PTPRD: variants seen among roughly 807,000 people sequenced by gnomAD.
The protein encoded by PTPRD is protein tyrosine phosphatase receptor type D, also known as receptor-type tyrosine-protein phosphatase delta.
In PTPRD, 34 loss-of-function variants were observed where a neutral mutation model predicts 214.5. The ratio of observed to expected loss-of-function variants is 0.16; its 90% CI spans 0.12 to 0.21. PTPRD has a LOEUF of 0.21. Ranked by LOEUF, PTPRD falls within the 10% of genes least tolerant of loss-of-function variation. The pLI is 1.00. For synonymous variants in PTPRD, 1,128 were observed against 845.7 expected, an observed-to-expected ratio of 1.33 and a Z score of -5.79; for missense variants, 2,545 against 2,398.7, an observed-to-expected ratio of 1.06 and a Z score of -1.27.
In PTPRD at chr9:10,554,448, C is replaced by G. The variant is rs147712475; in HGVS notation, c.-600+57950G>C. 1.5e-4 allele frequency among the ~76,000 whole-genome samples: 23 copies of G among 152,128 alleles called. No individual in the cohort carries two copies. In the East Asian group the frequency reaches 3.3e-3, roughly 22 times the overall value. On this transcript the variant is annotated intron_variant, in intron 2 of 45. Transcript: ENST00000381196. ...CTTAGAAACTTTCAGAGTAATTACT[C>G]TCTTCCCTTATTAATTTAAATATTC... is the stretch of plus-strand genomic sequence containing the variant.
chr9:9,807,805 C>G (rs2045907353), intron 5 of PTPRD, among the ~76,000 whole-genome samples: 1 of 152,120 alleles, frequency 6.6e-6, no homozygotes, highest in Non-Finnish European at 1.5e-5. Flanking sequence ...CATTAGGGAA[C>G]TGCTATTGGC....
intron 3 of PTPRD, among the ~76,000 whole-genome samples, chr9:10,266,384 T>C (rs1255103083): frequency 1.3e-5 from 2 of 152,102 alleles, no homozygotes; most frequent in Non-Finnish European, 2.9e-5. Context: ...GTAGTTCTAA[T>C]ATGTAAGAAG....
intron 3 of PTPRD, among the ~76,000 whole-genome samples, chr9:10,094,460 A>G (rs571510757): frequency 2.4e-4 from 36 of 151,322 alleles, no homozygotes; most frequent in East Asian, 1.4e-3. Context: ...TGTCTTAATT[A>G]ATAGATCTAA....
At chr9:10,508,153 C>T (rs1444550286) in intron 2 of PTPRD, among the ~76,000 whole-genome samples, 2 of 152,212 alleles carry the variant, frequency 1.3e-5, no homozygotes, top group African/African-American at 2.4e-5. Flanking sequence ...ACAGACACTT[C>T]TCAAAAGAAG....
At chr9:9,884,674 T>C (rs939415658) in intron 5 of PTPRD, among the ~76,000 whole-genome samples, 36 of 152,250 alleles carry the variant, frequency 2.4e-4, no homozygotes, top group Middle Eastern at 3.4e-3. Context: ...TCATGTGTCA[T>C]GGGAGGGACC....
intron 4 of PTPRD, among the ~76,000 whole-genome samples, chr9:10,002,331 A>AATAT (rs3051049): frequency 0.37 from 53,426 of 144,232 alleles, 11,381 homozygotes; most frequent in South Asian, 0.51. Context: ...TTTAAATATA[A>AATAT]ATATATATAT....
chr9:9,737,248 G>A (rs1394184609), intron 6 of PTPRD, among the ~76,000 whole-genome samples: 1 of 152,054 alleles, frequency 6.6e-6, no homozygotes, highest in East Asian at 1.9e-4. Flanking sequence ...TGAACAATTT[G>A]TCTATATTGT....
At chr9:10,232,446 C>T (rs149330625) in intron 3 of PTPRD, among the ~76,000 whole-genome samples, 253 of 152,026 alleles carry the variant, frequency 1.7e-3, no homozygotes, top group African/African-American at 5.6e-3. Context: ...CTTGAGATAC[C>T]TAAGGAAAGT....
rs193174600 is a variant in PTPRD at position 9,650,217 on chromosome 9, T to A, written c.-286-75436A>T. 1.6e-3 allele frequency among the ~76,000 whole-genome samples: 246 copies of A among 152,248 alleles called. 1 individual carries two copies. The highest frequency in any genetic ancestry group is 5.4e-3 in the African/African-American group (224 of 41,528). On this transcript the variant is annotated intron_variant, in intron 7 of 45. Transcript: ENST00000381196. ...GTCACCATGTAAGATGTGCCTTGCTTCCCCATTGCCTTCTGCCATAATTAT... is the reference window on the plus strand; with the variant it reads ...GTCACCATGTAAGATGTGCCTTGCTACCCCATTGCCTTCTGCCATAATTAT...
intron 36 of PTPRD, among the ~76,000 whole-genome samples, chr9:8,398,612 A>G (rs1439136153): frequency 1.3e-5 from 2 of 152,228 alleles, no homozygotes; most frequent in Non-Finnish European, 2.9e-5. Context: ...TTAAGTCATC[A>G]GGGCAGAGCC....
At chr9:9,369,709 G>C (rs1188290264) in intron 9 of PTPRD, among the ~76,000 whole-genome samples, 1 of 152,136 alleles carries the variant, frequency 6.6e-6, no homozygotes. Flanking sequence ...GAATGGTATT[G>C]CCTAGGTTTT....
chr9:8,442,260 T>TACG (rs1290031725), intron 34 of PTPRD, among the ~76,000 whole-genome samples: 6 of 151,844 alleles, frequency 4.0e-5, no homozygotes, highest in African/African-American at 1.5e-4. Context: ...CCTGCTCTGT[T>TACG]TTACTAAGTC....
chr9:8,919,748 T>C (rs984845435), intron 11 of PTPRD, among the ~76,000 whole-genome samples: 2 of 151,854 alleles, frequency 1.3e-5, no homozygotes, highest in African/African-American at 2.4e-5. Flanking sequence ...CATACATGTA[T>C]ACATGCATGC....
intron 3 of PTPRD, among the ~76,000 whole-genome samples, chr9:10,256,793 T>C (rs1595501978): frequency 6.6e-6 from 1 of 152,176 alleles, no homozygotes; most frequent in Non-Finnish European, 1.5e-5. Flanking sequence ...GCAGGTTTCC[T>C]CCTGCCACAT....
chr9:10,528,516 A>G (rs2055059006), intron 2 of PTPRD, among the ~76,000 whole-genome samples: 2 of 152,172 alleles, frequency 1.3e-5, no homozygotes, highest in Admixed American at 6.6e-5. Flanking sequence ...CAAATTTAGG[A>G]ATATATATTC....
chr9:10,198,795 T>C (rs1364402716), intron 3 of PTPRD, among the ~76,000 whole-genome samples: 1 of 152,118 alleles, frequency 6.6e-6, no homozygotes, highest in Non-Finnish European at 1.5e-5. Context: ...TTATCATATG[T>C]TTCTTTACAA....
chr9:9,389,370 C>T (rs906323523), intron 9 of PTPRD, among the ~76,000 whole-genome samples: 6 of 152,058 alleles, frequency 3.9e-5, no homozygotes, highest in African/African-American at 9.6e-5. Context: ...ATTAGCCGGG[C>T]GTGGTGGCAC....
At chr9:9,170,781 G>A (rs1035162485) in intron 10 of PTPRD, among the ~76,000 whole-genome samples, 4 of 152,210 alleles carry the variant, frequency 2.6e-5, no homozygotes, top group South Asian at 2.1e-4. Context: ...TAGGAAGACA[G>A]TAAGTTGAGA....
At chr9:8,713,726 G>A (rs1260374599) in intron 12 of PTPRD, 8 of 1,505,436 alleles carry the variant, frequency 5.3e-6, no homozygotes, top group Admixed American at 1.7e-5. Context: ...AAGTGACGCC[G>A]GCAGGCTGTC....
Sources: gnomAD v4.1 joint callset for allele counts (sites outside exome capture counted in the v4.1 genomes callset) on GRCh38, gnomAD v4.1.1 for gene constraint, MANE v1.5 for transcripts, NCBI Gene and HGNC (gene_info 2026-07-23, HGNC 2026-07-21) for gene names.